Variants in DGKH observed in about 807,000 individuals in gnomAD.
DGKH encodes diacylglycerol kinase eta.
DGKH carries 90 observed loss-of-function variants against 159.3 expected under a neutral mutation model. The ratio of observed to expected loss-of-function variants is 0.57; its 90% CI spans 0.48 to 0.67. The LOEUF (loss-of-function observed/expected upper bound fraction) is 0.67. Among genes scored for constraint, DGKH ranks in the 30% least tolerant of loss-of-function variants. DGKH has a pLI of 0.00. For missense variants in DGKH, 1,181 were observed against 1,506.1 expected (o/e 0.78, Z 3.57); for synonymous variants, 536 against 553.8 (o/e 0.97, Z 0.45).
Position 42,254,077 on chromosome 13 carries a change from G to T in DGKH, n.4127+1596G>T, listed in dbSNP as rs150440293. Among the ~76,000 whole-genome samples the T allele has an allele frequency of 4.0e-3, 610 of 151,994 alleles. 9 individuals are homozygous for T. The highest frequency in any genetic ancestry group is 0.04 in the East Asian group (205 of 5,172). Reference sequence around the variant, plus strand: ...ATGTTTCTGGTGGGAGAGTATATTGGTGTAGCATTTTGGGGAAAGAAATTG... The same window carrying T: ...ATGTTTCTGGTGGGAGAGTATATTGTTGTAGCATTTTGGGGAAAGAAATTG... On this transcript the variant is annotated intron_variant and non_coding_transcript_variant, in intron 30 of 30. Coordinates refer to the DGKH transcript ENST00000498255.
intron 1 of DGKH, among the ~76,000 whole-genome samples, chr13:42,107,119 T>C (rs1954775706): frequency 1.3e-5 from 2 of 152,266 alleles, no homozygotes; most frequent in African/African-American, 4.8e-5. Flanking sequence ...AATATGGCTC[T>C]GTGAGGACTG....
downstream of DGKH, among the ~76,000 whole-genome samples, chr13:42,243,908 C>T (rs540414023): frequency 4.0e-4 from 61 of 152,062 alleles, no homozygotes; most frequent in South Asian, 0.012. Context: ...ACAAGGAGAT[C>T]GGTTAGAGGT....
chr13:42,177,802 T>C (rs574535979), intron 12 of DGKH, among the ~76,000 whole-genome samples: 1 of 152,292 alleles, frequency 6.6e-6, no homozygotes, highest in Admixed American at 6.5e-5. Context: ...TATTTAAATG[T>C]CTAGTCTTTT....
At chr13:42,155,853 T>C in intron 5 of DGKH, 54 bp downstream of exon 5, 1 of 1,597,916 alleles carries the variant, frequency 6.3e-7, no homozygotes, top group Non-Finnish European at 8.6e-7. Context: ...ACTGTAGACA[T>C]GCTGCCACTG....
At chr13:42,149,000 A>C (rs1955810986) in intron 3 of DGKH, among the ~76,000 whole-genome samples, 1 of 124,150 alleles carries the variant, frequency 8.1e-6, no homozygotes. Flanking sequence ...GCTGGAATGC[A>C]GTGGCGTGAT....
intron 29 of DGKH, chr13:42,225,390 G>A (rs991037662): frequency 4.9e-6 from 7 of 1,435,988 alleles, no homozygotes; most frequent in Non-Finnish European, 4.7e-6. Flanking sequence ...GGAAAGTTGT[G>A]TATGTATGGC....
chr13:42,046,146 G>A (rs1333170739), upstream of DGKH, among the ~76,000 whole-genome samples: 1 of 152,178 alleles, frequency 6.6e-6, no homozygotes, highest in Non-Finnish European at 1.5e-5. Flanking sequence ...CAATAAAAAT[G>A]TAAGATGCAT....
chr13:42,041,875 T>A (rs1195355320), intron 1 of DGKH, among the ~76,000 whole-genome samples: 1 of 152,254 alleles, frequency 6.6e-6, no homozygotes, highest in Non-Finnish European at 1.5e-5. Context: ...GTTCGGATGC[T>A]GTTTTCCCAG....
At chr13:42,092,683 G>A (rs1184699705) in intron 1 of DGKH, among the ~76,000 whole-genome samples, 1 of 152,052 alleles carries the variant, frequency 6.6e-6, no homozygotes, top group Non-Finnish European at 1.5e-5. Context: ...GTGTCTGATA[G>A]TATAAAATGG....
chr13:42,235,504 A>C lies in DGKH; in HGVS notation c.*6316A>C, dbSNP rs1445410217. The stretch of plus-strand genomic sequence containing the variant: ...TCATATTCAGTTGATAAGGCCATTA[A>C]GGTAGGATAATGCAGTTACATATAC... On this transcript the variant is annotated 3_prime_UTR_variant, in exon 30 of 30. Coordinates refer to ENST00000337343, the MANE Select transcript of DGKH (RefSeq NM_178009.5). 2 of 152,192 alleles carry C rather than the reference A, an allele frequency of 1.3e-5. No individual in the cohort carries two copies. The highest frequency in any genetic ancestry group is 2.9e-5 in the Non-Finnish European group (2 of 68,010). The allele number at this position is 152,192 out of a possible 1,614,324, so 9.4% of individuals were successfully genotyped here.
intron 21 of DGKH, among the ~76,000 whole-genome samples, chr13:42,207,440 C>T (rs939489048): frequency 6.6e-6 from 1 of 151,550 alleles, no homozygotes; most frequent in Non-Finnish European, 1.5e-5. Context: ...ATCCACCCAC[C>T]TCGGCCTCCC....
intron 1 of DGKH, among the ~76,000 whole-genome samples, chr13:42,098,836 C>G (rs1323628648): frequency 1.3e-5 from 2 of 152,132 alleles, no homozygotes; most frequent in Non-Finnish European, 1.5e-5. Context: ...TCAGCACTTC[C>G]GAATTACTCT....
At chr13:42,078,521 T>C (rs1954140752) in intron 1 of DGKH, among the ~76,000 whole-genome samples, 1 of 152,188 alleles carries the variant, frequency 6.6e-6, no homozygotes, top group South Asian at 2.1e-4. Context: ...TGCATCTGAT[T>C]GGCAGAACTC....
rs551081533 is a variant in DGKH at position 42,068,947 on chromosome 13, A to G, written c.192+19982A>G. 3.5e-6 allele frequency: 5 copies of G among 1,434,496 alleles called. No homozygotes were observed. In the Admixed American group the frequency reaches 7.3e-5, roughly 21 times the overall value. The allele number at this position is 1,434,496 out of a possible 1,614,324, so 88.9% of individuals were successfully genotyped here. A position where few individuals can be genotyped will look rare whatever the true frequency, so the allele number is the denominator to read the frequency against. On this transcript the variant is annotated intron_variant, in intron 1 of 29. Coordinates refer to ENST00000337343, the MANE Select transcript of DGKH (RefSeq NM_178009.5). ...GCTGAGTGTTTTAGTTCAGATGTTC[A>G]GAATGCCGCTGTATGTTTGATGAGG... is the stretch of plus-strand genomic sequence containing the variant.
intron 7 of DGKH, 125 bp downstream of exon 7, chr13:42,160,261 A>C: frequency 1.6e-4 from 197 of 1,269,568 alleles, no homozygotes; most frequent in Non-Finnish European, 2.0e-4. Context: ...TACGCATCTC[A>C]TGATGACATT....
intron 3 of DGKH, among the ~76,000 whole-genome samples, chr13:42,135,489 C>CACAAAA (rs1223953901): frequency 2.0e-5 from 1 of 50,964 alleles, no homozygotes; most frequent in African/African-American, 5.5e-5. Flanking sequence ...GACCCTGTCT[C>CACAAAA]AGAAAAAAAA....
At chr13:42,171,234 G>A (rs1956446784) in intron 11 of DGKH, among the ~76,000 whole-genome samples, 1 of 152,154 alleles carries the variant, frequency 6.6e-6, no homozygotes, top group South Asian at 2.1e-4. Context: ...CTGGTGAAAA[G>A]GTTTAGGAGG....
intron 29 of DGKH, among the ~76,000 whole-genome samples, chr13:42,248,500 A>G (rs896119326): frequency 6.8e-6 from 1 of 147,284 alleles, no homozygotes; most frequent in African/African-American, 2.5e-5. Flanking sequence ...TATATAATTT[A>G]TAATTAAATA....
Position 42,206,154 on chromosome 13 carries a change from A to G in DGKH, c.2601+8A>G. On this transcript the variant is annotated splice_region_variant and intron_variant, in intron 21 of 29. Transcript: ENST00000337343. ...GGAACTAAAGAGGATGATGTAAGTA[A>G]TGGGAGTAAATAGTTTGTTTCCTCA... The G allele has an allele frequency of 7.2e-7, 1 of 1,381,926 alleles. No homozygotes were observed. The highest frequency in any genetic ancestry group is 2.8e-5 in the Admixed American group (1 of 35,164). 85.6% of individuals were successfully genotyped at this position (1,381,926 alleles called of 1,614,324 possible).
Sources: allele counts gnomAD v4.1 joint callset (sites outside exome capture counted in the v4.1 genomes callset), GRCh38; gene constraint gnomAD v4.1.1; transcripts MANE v1.5; gene names NCBI Gene and HGNC (gene_info 2026-07-23, HGNC 2026-07-21).